Variants in CHRM3 observed in about 807,000 individuals in gnomAD.
The protein encoded by CHRM3 is muscarinic acetylcholine receptor M3.
In CHRM3, 11 loss-of-function variants were observed where a neutral mutation model predicts 41.8. That is an observed-to-expected ratio of 0.26 (90% CI 0.17 to 0.44). The LOEUF is 0.44. CHRM3 is among the 20% of genes least tolerant of loss of function. The probability of loss-of-function intolerance (pLI) is 1.00; values close to 1 mark genes in which losing one functional copy is unlikely to be tolerated. For missense variants in CHRM3, 571 were observed against 745.4 expected (o/e 0.77, Z 2.72); for synonymous variants, 297 against 301.4 (o/e 0.99, Z 0.15).
At chr1:239,848,957 T>C (rs61831571) in intron 6 of CHRM3, among the ~76,000 whole-genome samples, 1 of 152,154 alleles carries the variant, frequency 6.6e-6, no homozygotes, top group East Asian at 1.9e-4. Flanking sequence ...TCCAGCAAAC[T>C]ATAGCTACAG....
intron 1 of CHRM3, among the ~76,000 whole-genome samples, chr1:239,481,899 G>C (rs1666878411): frequency 6.6e-6 from 1 of 152,174 alleles, no homozygotes; most frequent in Non-Finnish European, 1.5e-5. Context: ...CTGTGGAGTG[G>C]AGGGAAGTGA....
intron 5 of CHRM3, among the ~76,000 whole-genome samples, chr1:239,721,057 TTCCAGTGA>T (rs1173894965): frequency 6.6e-6 from 1 of 151,928 alleles, no homozygotes; most frequent in African/African-American, 2.4e-5. Flanking sequence ...CATGATTTTA[TTCCAGTGA>T]TCCAATAAAA....
chr1:239,549,600 G>A (rs1233413245), intron 3 of CHRM3, among the ~76,000 whole-genome samples: 1 of 150,190 alleles, frequency 6.7e-6, no homozygotes, highest in Non-Finnish European at 1.5e-5. Flanking sequence ...GGTGGAGGTT[G>A]CAGCAAGTTG....
intron 5 of CHRM3, among the ~76,000 whole-genome samples, chr1:239,689,925 A>C (rs1293855438): frequency 6.6e-6 from 1 of 152,138 alleles, no homozygotes; most frequent in Admixed American, 6.5e-5. Context: ...GGGAGATCAC[A>C]TGGAGTGAGA....
rs140307157 is a variant in CHRM3 at position 239,559,887 on chromosome 1, C to T, written c.-313+14138C>T. Among the ~76,000 whole-genome samples, 528 of 152,196 alleles carry T rather than the reference C, an allele frequency of 3.5e-3. 4 individuals are homozygous for T. Among genetic ancestry groups the T allele is most frequent in the African/African-American group, 0.012 (505 of 41,528 alleles). On this transcript the variant is annotated intron_variant, in intron 3 of 6. Transcript: ENST00000676153. The stretch of plus-strand genomic sequence containing the variant: ...ATTTCCAAGGTGTTATCAAAATTAA[C>T]CTTTAAGGTGAAACAATACATTGTA...
intron 1 of CHRM3, among the ~76,000 whole-genome samples, chr1:239,480,544 T>A (rs931976858): frequency 4.9e-5 from 3 of 61,818 alleles, no homozygotes; most frequent in Non-Finnish European, 9.0e-5. Context: ...GATAGCCCAA[T>A]TTTTTTTTTT....
rs551191187 is a variant in CHRM3 at position 239,877,894 on chromosome 1, T to C, written c.-19-29539T>C. ...TATTGTGCACTTTATTTCTTTCTTT[T>C]TTTTTTTTTTTAATGAGACAGAGTC... On this transcript the variant is annotated intron_variant, in intron 6 of 6. Coordinates refer to ENST00000676153, the MANE Select transcript of CHRM3 (RefSeq NM_001375978.1). 9.3e-4 allele frequency among the ~76,000 whole-genome samples: 141 copies of C among 151,118 alleles called. 1 individual carries two copies. In the South Asian group the frequency reaches 0.018, roughly 20 times the overall value.
intron 2 of CHRM3, among the ~76,000 whole-genome samples, chr1:239,514,110 A>T (rs61836560): frequency 6.0e-4 from 91 of 152,296 alleles, no homozygotes; most frequent in Non-Finnish European, 1.1e-3. Context: ...CCAGTCGGCT[A>T]TTCTGGGTCT....
intron 1 of CHRM3, among the ~76,000 whole-genome samples, chr1:239,431,983 C>G (rs990069452): frequency 6.6e-6 from 1 of 151,998 alleles, no homozygotes; most frequent in Admixed American, 6.6e-5. Context: ...CCCAGGTGTT[C>G]CTCATTCCAC....
intron 5 of CHRM3, among the ~76,000 whole-genome samples, chr1:239,692,119 T>A (rs1454742234): frequency 6.6e-6 from 1 of 152,186 alleles, no homozygotes; most frequent in Non-Finnish European, 1.5e-5. Context: ...AACAGTAATA[T>A]CTTCCAGATA....
intron 2 of CHRM3, among the ~76,000 whole-genome samples, chr1:239,500,476 G>T (rs1395954069): frequency 6.6e-6 from 1 of 150,992 alleles, no homozygotes; most frequent in Non-Finnish European, 1.5e-5. Context: ...TGGGGTGGGG[G>T]GATGGGGGAG....
At chr1:239,554,392 T>C (rs1660146581) in intron 3 of CHRM3, among the ~76,000 whole-genome samples, 1 of 152,038 alleles carries the variant, frequency 6.6e-6, no homozygotes, top group Non-Finnish European at 1.5e-5. Context: ...CCTTACAGAA[T>C]TTACATTTCT....
chr1:239,786,558 G>A (rs557125031), intron 5 of CHRM3, among the ~76,000 whole-genome samples: 141 of 152,286 alleles, frequency 9.3e-4, no homozygotes, highest in African/African-American at 3.3e-3. Flanking sequence ...GCTTCTAAAC[G>A]GCTTCTGTAC....
At chr1:239,509,738 A>AT (rs1668796957) in intron 2 of CHRM3, among the ~76,000 whole-genome samples, 1 of 152,202 alleles carries the variant, frequency 6.6e-6, no homozygotes, top group Non-Finnish European at 1.5e-5. Context: ...CTTTTTAAGC[A>AT]TTAATTTTGC....
intron 1 of CHRM3, among the ~76,000 whole-genome samples, chr1:239,401,805 A>T (rs1292309429): frequency 6.6e-6 from 1 of 151,950 alleles, no homozygotes; most frequent in African/African-American, 2.4e-5. Flanking sequence ...CTTTGAGGGG[A>T]TTTTTAAGAT....
At chr1:239,545,944 T>A (rs898105324) in intron 3 of CHRM3, 195 bp downstream of exon 3, 1 of 152,166 alleles carries the variant, frequency 6.6e-6, no homozygotes, top group African/African-American at 2.4e-5. Context: ...CTATTAGGTA[T>A]AAGTATATAA....
rs1680055330 is a variant in CHRM3, at chr1:239,907,416, TTC to T, written c.-19-11_-19-10del. 1.3e-6 allele frequency: 2 copies of T among 1,572,068 alleles called. No individual in the cohort carries two copies. Among genetic ancestry groups the T allele is most frequent in the Middle Eastern group, 3.4e-4 (2 of 5,800 alleles). ...GCAGAAATTTTTCTAACTCTGTCTC[TTC>T]TCTCTTTCCCCCAGACTATGTCAGA... On this transcript the variant is annotated splice_polypyrimidine_tract_variant and intron_variant, in intron 6 of 6. Coordinates refer to ENST00000676153, the MANE Select transcript of CHRM3 (RefSeq NM_001375978.1). The surrounding 1 kb of genome is among the most constrained non-coding windows in gnomAD (Gnocchi z 5.4).
chr1:239,819,159 G>A (rs527324422), intron 5 of CHRM3, among the ~76,000 whole-genome samples: 8 of 152,112 alleles, frequency 5.3e-5, no homozygotes, highest in South Asian at 2.1e-4. Flanking sequence ...ATAGATTTGC[G>A]CTCCTTAAAA....
intron 4 of CHRM3, among the ~76,000 whole-genome samples, chr1:239,665,554 G>A (rs906163195): frequency 2.0e-4 from 30 of 151,976 alleles, no homozygotes; most frequent in Admixed American, 1.5e-3. Flanking sequence ...AAGTTCTGGC[G>A]TACACGTGCA....
Sources: gnomAD v4.1 joint callset for allele counts (sites outside exome capture counted in the v4.1 genomes callset) on GRCh38, gnomAD v4.1.1 for gene constraint, Gnocchi (gnomAD v3.1) non-coding constraint, MANE v1.5 for transcripts, NCBI Gene and HGNC (gene_info 2026-07-23, HGNC 2026-07-21) for gene names.